MYH6: variants seen among roughly 807,000 people sequenced by gnomAD.
MYH6 encodes myosin-6.
MYH6 carries 126 observed loss-of-function variants against 223.2 expected under a neutral mutation model. That is an observed-to-expected ratio of 0.56 (90% CI 0.49 to 0.65). The LOEUF is 0.65. Ranked by LOEUF, MYH6 falls within the 30% of genes least tolerant of loss-of-function variation. The pLI, the probability that MYH6 is intolerant of heterozygous loss-of-function variation, is 0.00. For synonymous variants in MYH6, 978 were observed against 1,010.2 expected, an observed-to-expected ratio of 0.97 and a Z score of 0.61; for missense variants, 2,040 against 2,536.4, an observed-to-expected ratio of 0.80 and a Z score of 4.20.
rs142808595 is a variant in MYH6 at position 23,382,081 on chromosome 14, G to C, written c.5797-18C>G. The C allele has an allele frequency of 6.2e-7, 1 of 1,610,584 alleles. No homozygotes were observed. Among genetic ancestry groups the C allele is most frequent in the Non-Finnish European group, 8.5e-7 (1 of 1,176,800 alleles). On this transcript the variant is annotated intron_variant, in intron 38 of 38. Coordinates refer to ENST00000405093, the MANE Select transcript of MYH6 (RefSeq NM_002471.4). The stretch of plus-strand genomic sequence containing the variant: ...ATTTTTTGCTGCAAAAAGAATAAGA[G>C]GTGTGAGGGGGCAGCTGGCAAGAGG...
chr14:23,397,273 G>A lies in MYH6; in HGVS notation c.1963-16C>T. 6.2e-7 allele frequency: 1 copy of A among 1,612,534 alleles called. No individual in the cohort carries two copies. The highest frequency in any genetic ancestry group is 8.5e-7 in the Non-Finnish European group (1 of 1,178,602). Reference sequence around the variant, plus strand: ...TGAGATTTTCCTGGAGGCAGATGAAGGTGGGGAGTTAGGAGCCACAAGGAC... The same window carrying A: ...TGAGATTTTCCTGGAGGCAGATGAAAGTGGGGAGTTAGGAGCCACAAGGAC... On this transcript the variant is annotated splice_polypyrimidine_tract_variant and intron_variant, in intron 16 of 38. Transcript: ENST00000405093.
At position 23,407,767 on chromosome 14, in the gene MYH6, C is replaced by T. The variant is rs532382873; in HGVS notation, c.-46-159G>A. On this transcript the variant is annotated intron_variant, in intron 1 of 38. Transcript: ENST00000405093. This position sits in a 1 kb window ranked among gnomAD's most constrained non-coding sequence, Gnocchi z 5.6. ...GACCAGGGAGTCAGAAAGGGAAAGA[C>T]GCAGAGGCAGAAAAGAAAGGGCACC... Among the ~76,000 whole-genome samples, 20 of 152,166 alleles carry T rather than the reference C, an allele frequency of 1.3e-4. No homozygotes were observed. The highest frequency in any genetic ancestry group is 4.6e-4 in the Admixed American group (7 of 15,284).
At position 23,407,051 on chromosome 14, in the gene MYH6, T is replaced by C. The variant is rs1427899950; in HGVS notation, c.173A>G (p.Lys58Arg). The change falls in exon 3 of 39, where the codon AAG becomes AGG. Residue 58 changes from lysine to arginine, a missense_variant. Around this residue, in one of 4 missense-constraint regions of MYH6, gnomAD observed 184 missense variants for 232.4 expected, o/e 0.79. Coordinates refer to ENST00000405093, the MANE Select transcript of MYH6 (RefSeq NM_002471.4). This position sits in a 1 kb window ranked among gnomAD's most constrained non-coding sequence, Gnocchi z 5.6. ...KAKILSREGG[K>R]VIAETENGKT... ...CCCATTCTCGGTTTCAGCAATGACCTTGCCTCCCTCCCGGGACAAAATCTT... is the reference window on the plus strand; with the variant it reads ...CCCATTCTCGGTTTCAGCAATGACCCTGCCTCCCTCCCGGGACAAAATCTT... 2 of 1,614,178 alleles carry C rather than the reference T, an allele frequency of 1.2e-6. No individual in the cohort carries two copies. The highest frequency in any genetic ancestry group is 1.3e-5 in the African/African-American group (1 of 75,044).
chr14:23,401,143 A>G (rs549289820), intron 12 of MYH6, among the ~76,000 whole-genome samples, 166 bp from the exon 13 acceptor site: 3 of 152,180 alleles, frequency 2.0e-5, no homozygotes, highest in Non-Finnish European at 4.4e-5. Context: ...AGTAGCTGGG[A>G]CTACAGACAT....
chr14:23,406,131 G>A (rs1045470453), intron 3 of MYH6, among the ~76,000 whole-genome samples: 2 of 152,088 alleles, frequency 1.3e-5, no homozygotes, highest in Non-Finnish European at 2.9e-5. Context: ...TGCTGACCCC[G>A]AGGCTGTCTC....
At chr14:23,391,413 C>T (rs1408805822) in intron 25 of MYH6, among the ~76,000 whole-genome samples, 2 of 152,218 alleles carry the variant, frequency 1.3e-5, no homozygotes, top group Non-Finnish European at 2.9e-5. Flanking sequence ...AGAGGCCAAA[C>T]AAGTTGCCCA....
At chr14:23,397,941 T>TTCTTCA (rs1891459191) in intron 15 of MYH6, among the ~76,000 whole-genome samples, 1 of 60,394 alleles carries the variant, frequency 1.7e-5, no homozygotes, top group Admixed American at 1.8e-4. Flanking sequence ...CCTCTTCTTC[T>TTCTTCA]TCTTCTTCTT....
rs1891821648 is a variant in MYH6 at position 23,407,303 on chromosome 14, C to T, written c.-13-67G>A. 1.9e-6 allele frequency: 3 copies of T among 1,567,538 alleles called. No homozygotes were observed. Among genetic ancestry groups the T allele is most frequent in the Non-Finnish European group, 2.6e-6 (3 of 1,144,098 alleles). ...CCAGGCTCCAGCGAGTGGCTTTGTCCTCTGCAGCCCCCCTCCCTACCCCCG... is the reference window on the plus strand; with the variant it reads ...CCAGGCTCCAGCGAGTGGCTTTGTCTTCTGCAGCCCCCCTCCCTACCCCCG... On this transcript the variant is annotated intron_variant, in intron 2 of 38. Coordinates refer to ENST00000405093, the MANE Select transcript of MYH6 (RefSeq NM_002471.4). The surrounding 1 kb of genome is among the most constrained non-coding windows in gnomAD (Gnocchi z 5.6).
intron 25 of MYH6, among the ~76,000 whole-genome samples, chr14:23,392,228 G>A (rs554148535): frequency 1.7e-4 from 25 of 151,174 alleles, no homozygotes; most frequent in East Asian, 3.9e-4. Context: ...TTCACCCTGC[G>A]TTCAGAGGGC....
intron 16 of MYH6, 38 bp from the exon 17 acceptor site, chr14:23,397,295 G>A: frequency 6.3e-7 from 1 of 1,588,672 alleles, no homozygotes; most frequent in Non-Finnish European, 8.6e-7. Flanking sequence ...GGAGCCACAA[G>A]GACCATCCCT....
Position 23,390,213 on chromosome 14 carries a change from C to T in MYH6, c.3576G>A (p.Ala1192=), listed in dbSNP as rs762573185. 1.3e-5 allele frequency: 21 copies of T among 1,599,106 alleles called. No individual in the cohort carries two copies. The highest frequency in any genetic ancestry group is 4.5e-5 in the East Asian group (2 of 44,524). The stretch of plus-strand genomic sequence containing the variant: ...TGTCGGCGTGCTTCTTGCGCAGGGC[C>T]GCGGCAGTGGCCTCGTGCTGCAGCG... ...EATLQHEATA[A]ALRKKHADSV... The change falls in exon 26 of 39, where the codon GCG becomes GCA. Residue 1192 remains alanine, a synonymous_variant. Transcript: ENST00000405093.
chr14:23,398,188 T>G (rs2138608178), intron 15 of MYH6, among the ~76,000 whole-genome samples: 1 of 152,094 alleles, frequency 6.6e-6, no homozygotes, highest in African/African-American at 2.4e-5. Context: ...AGGCTAATTT[T>G]TGTATTTTTA....
Position 23,389,692 on chromosome 14 carries a change from G to T in MYH6, c.3760C>A (p.Leu1254Met). The change falls in exon 27 of 39, where the codon CTG (leucine) becomes ATG (methionine). Residue 1254 changes from leucine (L) to methionine (M), a missense_variant. Leu to Met is a conservative substitution (Grantham distance 15). Around this residue, in one of 4 missense-constraint regions of MYH6, gnomAD observed 1,203 missense variants for 1,400.2 expected, o/e 0.86. Coordinates refer to ENST00000405093, the MANE Select transcript of MYH6 (RefSeq NM_002471.4). ...CGGTACTCATTGGCCTGGTCCTCCA[G>T]CGTCCGAGACACTTTCTCCAGGTTT... Reference protein sequence around the residue: ...KANLEKVSRTLEDQANEYRVK... With the variant: ...KANLEKVSRTMEDQANEYRVK... 8 of 1,614,226 alleles carry T rather than the reference G, an allele frequency of 5.0e-6. No individual in the cohort carries two copies. Among genetic ancestry groups the T allele is most frequent in the Non-Finnish European group, 6.8e-6 (8 of 1,180,040 alleles).
chr14:23,393,071 G>A lies in MYH6; in HGVS notation c.3106-14C>T. 6.2e-7 allele frequency: 1 copy of A among 1,614,126 alleles called. No homozygotes were observed. The highest frequency in any genetic ancestry group is 1.1e-5 in the South Asian group (1 of 91,080). ...GGATCCCTCCAGCTGTTGGAGGGAA[G>A]AAAATAAGCAAAGTGTGGAAAACAT... On this transcript the variant is annotated splice_polypyrimidine_tract_variant and intron_variant, in intron 23 of 38. Transcript: ENST00000405093.
At chr14:23,403,217 A>T in intron 10 of MYH6, 131 bp downstream of exon 10, 1 of 812,284 alleles carries the variant, frequency 1.2e-6, no homozygotes, top group Non-Finnish European at 2.2e-6. Context: ...TGGCGGAGTG[A>T]GTGGAGGGAG....
At chr14:23,404,183 A>G (rs1891701670) in intron 8 of MYH6, 113 bp downstream of exon 8, 1 of 1,268,826 alleles carries the variant, frequency 7.9e-7, no homozygotes, top group East Asian at 2.3e-5. Flanking sequence ...CAACGTGTGC[A>G]TGTTGATATC....
intron 25 of MYH6, 102 bp from the exon 26 acceptor site, chr14:23,390,548 T>C (rs1443273666): frequency 1.3e-6 from 2 of 1,540,520 alleles, no homozygotes; most frequent in Non-Finnish European, 1.7e-6. Flanking sequence ...TCTCAAGCAG[T>C]GGTTCTCAAC....
At chr14:23,404,877 G>A in intron 6 of MYH6, 55 bp from the exon 7 acceptor site, 2 of 1,559,470 alleles carry the variant, frequency 1.3e-6, no homozygotes, top group Non-Finnish European at 1.8e-6. Context: ...CTCCATACAG[G>A]GCTCAGCATC....
intron 32 of MYH6, 69 bp downstream of exon 32, chr14:23,387,460 C>T (rs1891064265): frequency 6.2e-7 from 1 of 1,605,330 alleles, no homozygotes; most frequent in Non-Finnish European, 8.5e-7. Flanking sequence ...CAGGGTCACC[C>T]CCAGGTGAGG....
Sources: allele counts gnomAD v4.1 joint callset (sites outside exome capture counted in the v4.1 genomes callset), GRCh38; gene constraint gnomAD v4.1.1; regional missense constraint gnomAD v4.1.1; non-coding constraint Gnocchi (gnomAD v3.1); transcripts MANE v1.5; gene names NCBI Gene and HGNC (gene_info 2026-07-23, HGNC 2026-07-21).